AKAP9: variants seen among roughly 807,000 people sequenced by gnomAD.
The protein encoded by AKAP9 is A-kinase anchoring protein 9.
In AKAP9, 311 loss-of-function variants were observed where a neutral mutation model predicts 488.5. The ratio of observed to expected loss-of-function variants is 0.64; its 90% CI spans 0.58 to 0.70. The LOEUF is 0.70. Among genes scored for constraint, AKAP9 ranks in the 30% least tolerant of loss-of-function variants. The pLI, the probability that AKAP9 is intolerant of heterozygous loss-of-function variation, is 0.00. For missense variants in AKAP9, 4,215 were observed against 4,374.5 expected (o/e 0.96, Z 1.03); for synonymous variants, 1,462 against 1,483.5 (o/e 0.99, Z 0.33).
chr7:92,098,007 A>G, intron 42 of AKAP9, 102 bp from the exon 43 acceptor site: 1 of 876,870 alleles, frequency 1.1e-6, no homozygotes, highest in Non-Finnish European at 1.9e-6. Flanking sequence ...TATAAGGGAG[A>G]AGTGATAGGT....
chr7:91,964,821 T>C (rs1258039166), intron 1 of AKAP9, among the ~76,000 whole-genome samples: 7 of 152,250 alleles, frequency 4.6e-5, no homozygotes, highest in African/African-American at 1.7e-4. Flanking sequence ...TGTTTACTTT[T>C]CTAAAAAAGA....
intron 1 of AKAP9, among the ~76,000 whole-genome samples, chr7:91,943,047 T>A (rs79928070): frequency 4.1e-5 from 6 of 148,098 alleles, no homozygotes; most frequent in Non-Finnish European, 6.0e-5. Context: ...AAAAAAAAAA[T>A]AGCAGGGCAT....
chr7:92,022,419 C>A, intron 13 of AKAP9, 67 bp downstream of exon 13: 1 of 1,146,984 alleles, frequency 8.7e-7, no homozygotes, highest in Non-Finnish European at 1.3e-6. Context: ...TGCTTTTTTA[C>A]TTTAAAATGT....
intron 3 of AKAP9, among the ~76,000 whole-genome samples, chr7:91,986,736 C>T (rs1165354979): frequency 6.6e-6 from 1 of 151,978 alleles, no homozygotes; most frequent in African/African-American, 2.4e-5. Flanking sequence ...ACCTATTTAT[C>T]TGAGATGCCT....
In AKAP9 at chr7:92,001,845, A is replaced by T. The variant is rs763664936; in HGVS notation, c.1928A>T (p.Asp643Val). The T allele has an allele frequency of 9.9e-6, 16 of 1,613,342 alleles. No homozygotes were observed. The highest frequency in any genetic ancestry group is 1.6e-4 in the Middle Eastern group (1 of 6,078). The change falls in exon 8 of 50, where the codon GAT (aspartate) becomes GTT (valine). Residue 643 changes from aspartate to valine, a missense_variant. Asp to Val is a radical substitution (Grantham distance 152). Around this residue, in one of 5 missense-constraint regions of AKAP9, gnomAD observed 2,361 missense variants for 2,430.0 expected, o/e 0.97. Coordinates refer to ENST00000356239, the MANE Select transcript of AKAP9 (RefSeq NM_005751.5). ...GAAGAGCTTTCCAAACTGAAGGAAGATTTAGAAATTGAACATCGAATAAAT... is the reference window on the plus strand; with the variant it reads ...GAAGAGCTTTCCAAACTGAAGGAAGTTTTAGAAATTGAACATCGAATAAAT... ...HEEELSKLKE[D>V]LEIEHRINIE...
intron 14 of AKAP9, among the ~76,000 whole-genome samples, chr7:92,026,984 C>T (rs1391364985): frequency 7.0e-6 from 1 of 142,286 alleles, no homozygotes; most frequent in Admixed American, 7.0e-5. Flanking sequence ...CCCGGCCGCC[C>T]ATTGTCTGGG....
At chr7:92,088,433 A>G (rs1052736882) in intron 37 of AKAP9, among the ~76,000 whole-genome samples, 2 of 152,228 alleles carry the variant, frequency 1.3e-5, no homozygotes, top group African/African-American at 4.8e-5. Context: ...GCAATAGCCA[A>G]AAACTGGAAT....
In AKAP9 at chr7:92,082,643, A is replaced by C; in HGVS notation, c.8141A>C (p.Lys2714Thr). The C allele has an allele frequency of 1.2e-6, 2 of 1,613,994 alleles. No homozygotes were observed. Among genetic ancestry groups the C allele is most frequent in the Non-Finnish European group, 8.5e-7 (1 of 1,179,926 alleles). ...GCCAGTTATAAAGAAAAGGCTGAAA[A>C]ACTTCAAGAAGAGCTTTTGGTAAGA... ...ELASYKEKAE[K>T]LQEELLVKET... Residue 2714 changes from lysine (K) to threonine (T), a missense_variant, in exon 32 of 50, where the codon AAA (lysine) becomes ACA (threonine). Lys to Thr is a moderately conservative substitution (Grantham distance 78, BLOSUM62 -1). This residue lies in a region of AKAP9 where 1,476 missense variants were observed against 1,477.4 expected (regional missense o/e 1.00). Transcript: ENST00000356239.
Position 92,065,522 on chromosome 7 carries a change from C to G in AKAP9, c.6210+59C>G, listed in dbSNP as rs558130404. On this transcript the variant is annotated intron_variant, in intron 25 of 49. Transcript: ENST00000356239. ...CAGTGGAATGTTCTTTGCTAGTATA[C>G]TAGGCTATGAATTTTAAATTATGAA... The G allele has an allele frequency of 5.8e-6, 7 of 1,208,558 alleles. No homozygotes were observed. In the Admixed American group the frequency reaches 6.0e-5, roughly 10 times the overall value. The allele number at this position is 1,208,558 out of a possible 1,614,324, so 74.9% of individuals were successfully genotyped here.
intron 8 of AKAP9, among the ~76,000 whole-genome samples, chr7:92,003,876 G>C (rs1174585483): frequency 6.6e-6 from 1 of 152,044 alleles, no homozygotes; most frequent in Non-Finnish European, 1.5e-5. Context: ...TAAAATAACA[G>C]GAAAATTCTG....
chr7:92,032,685 G>A (rs1804475498), intron 16 of AKAP9, among the ~76,000 whole-genome samples: 1 of 152,052 alleles, frequency 6.6e-6, no homozygotes, highest in African/African-American at 2.4e-5. Flanking sequence ...ATTCGATGAG[G>A]AAGTCAAGAC....
chr7:91,995,620 T>G lies in AKAP9; in HGVS notation c.750T>G (p.Thr250=). ...IQFQQLQASE[T]LRNSTHSSTA... ...ATTTTCAGTTACAGGCTAGTGAAACTCTGAGAAACAGCACTCATAGTAGCA... is the reference window on the plus strand; with the variant it reads ...ATTTTCAGTTACAGGCTAGTGAAACGCTGAGAAACAGCACTCATAGTAGCA... Residue 250 remains threonine (T), a synonymous_variant, in exon 7 of 50, where the codon ACT becomes ACG. Transcript: ENST00000356239. 1 of 1,614,046 alleles carries G rather than the reference T, an allele frequency of 6.2e-7. No individual in the cohort carries two copies. The highest frequency in any genetic ancestry group is 8.5e-7 in the Non-Finnish European group (1 of 1,180,014).
intron 48 of AKAP9, chr7:92,107,628 A>G (rs1818724472): frequency 4.0e-6 from 2 of 500,590 alleles, no homozygotes; most frequent in Admixed American, 3.2e-5. Flanking sequence ...TGAGGTCAGG[A>G]GTTCAAGACC....
chr7:92,037,088 G>C (rs780880716), intron 16 of AKAP9, among the ~76,000 whole-genome samples: 15 of 152,128 alleles, frequency 9.9e-5, no homozygotes, highest in Non-Finnish European at 1.9e-4. Context: ...CCTTTGATGT[G>C]GTTCCTAATG....
chr7:92,068,148 C>G (rs1248282825), intron 26 of AKAP9, among the ~76,000 whole-genome samples: 2 of 151,534 alleles, frequency 1.3e-5, no homozygotes, highest in Non-Finnish European at 2.9e-5. Flanking sequence ...ATCACGAGGT[C>G]AGGAGATCGT....
chr7:91,996,138 T>C (rs1798375696), intron 7 of AKAP9: 2 of 283,762 alleles, frequency 7.0e-6, no homozygotes, highest in Non-Finnish European at 1.3e-5. Context: ...GAGAGAAATT[T>C]TATGGATTTT....
At position 92,022,286 on chromosome 7, in the gene AKAP9, A is replaced by G. The variant is rs753029277; in HGVS notation, c.3886A>G (p.Asn1296Asp). 2.4e-5 allele frequency: 38 copies of G among 1,613,642 alleles called. No individual in the cohort carries two copies. The Admixed American group carries it at 6.0e-4, about 25-fold the overall frequency. ...TATGAAACTTGAATTTGGAGAAGAA[A>G]ACCTTCCAAAAGAGGAAACAGAGTT... Reference protein sequence around the residue: ...DGMKLEFGEENLPKEETEFLS... With the variant: ...DGMKLEFGEEDLPKEETEFLS... Residue 1296 changes from asparagine (N) to aspartate (D), a missense_variant, in exon 13 of 50, where the codon AAC becomes GAC. Asn to Asp is a conservative substitution (Grantham distance 23). Transcript: ENST00000356239.
At position 92,093,256 on chromosome 7, in the gene AKAP9, T is replaced by C; in HGVS notation, c.9518T>C (p.Leu3173Ser). 1 of 1,614,030 alleles carries C rather than the reference T, an allele frequency of 6.2e-7. No homozygotes were observed. The highest frequency in any genetic ancestry group is 1.1e-5 in the South Asian group (1 of 91,086). The change falls in exon 39 of 50, where the codon TTG becomes TCG. Residue 3173 changes from leucine (L) to serine (S), a missense_variant. Physicochemically the swap from Leu to Ser is moderately radical, Grantham distance 145. Coordinates refer to ENST00000356239, the MANE Select transcript of AKAP9 (RefSeq NM_005751.5). Reference protein sequence around the residue: ...ELKSELAQTKLELETTLKAQH... With the variant: ...ELKSELAQTKSELETTLKAQH... ...AAGAGTGAGCTTGCACAAACTAAAT[T>C]GGAACTAGAAACAACACTCAAGGCA...
chr7:92,100,105 C>G lies in AKAP9; in HGVS notation c.10896+236C>G, dbSNP rs193216553. The G allele has an allele frequency of 1.1e-3, 496 of 433,816 alleles. 1 individual carries two copies. The highest frequency in any genetic ancestry group is 9.5e-3 in the African/African-American group (474 of 50,022). 26.9% of individuals were successfully genotyped at this position (433,816 alleles called of 1,614,324 possible). A position where few individuals can be genotyped will look rare whatever the true frequency, so the allele number is the denominator to read the frequency against. ...TCTGGGTTGTATACATACAGAATCT[C>G]TAATCCACATCCACCTTATACCTGA... On this transcript the variant is annotated intron_variant, in intron 44 of 49. Coordinates refer to ENST00000356239, the MANE Select transcript of AKAP9 (RefSeq NM_005751.5).
Sources: allele counts gnomAD v4.1 joint callset (sites outside exome capture counted in the v4.1 genomes callset), GRCh38; gene constraint gnomAD v4.1.1; regional missense constraint gnomAD v4.1.1; transcripts MANE v1.5; gene names NCBI Gene and HGNC (gene_info 2026-07-23, HGNC 2026-07-21).